CAB39L: variants seen among roughly 807,000 people sequenced by gnomAD.
The protein encoded by CAB39L is calcium-binding protein 39-like.
In CAB39L, 23 loss-of-function variants were observed where a neutral mutation model predicts 39.1. The observed-to-expected ratio is 0.59, with a 90% CI of 0.42 to 0.83. The LOEUF (loss-of-function observed/expected upper bound fraction) is 0.83. CAB39L is among the 40% of genes least tolerant of loss of function. The probability of loss-of-function intolerance (pLI) is 0.00; values close to 1 mark genes in which losing one functional copy is unlikely to be tolerated. For synonymous variants in CAB39L, 126 were observed against 137.2 expected (o/e 0.92, Z 0.57); for missense variants, 366 against 391.9 (o/e 0.93, Z 0.56).
chr13:49,438,964 T>C (rs887161820), intron 1 of CAB39L, among the ~76,000 whole-genome samples: 1 of 152,224 alleles, frequency 6.6e-6, no homozygotes, highest in Non-Finnish European at 1.5e-5. Flanking sequence ...ATTAAGTATA[T>C]TCAGTGTTAC....
At chr13:49,320,578 A>G (rs185085768) in intron 10 of CAB39L, among the ~76,000 whole-genome samples, 1 of 152,340 alleles carries the variant, frequency 6.6e-6, no homozygotes, top group East Asian at 1.9e-4. Context: ...TATTTTGCCA[A>G]CAGGGATTGA....
intron 3 of CAB39L, among the ~76,000 whole-genome samples, chr13:49,415,724 T>A (rs1957074736): frequency 6.6e-6 from 1 of 152,190 alleles, no homozygotes; most frequent in South Asian, 2.1e-4. Flanking sequence ...CACTAGAATG[T>A]GAGCTTTGTG....
chr13:49,315,746 A>T (rs892447086), intron 10 of CAB39L, among the ~76,000 whole-genome samples: 1 of 151,934 alleles, frequency 6.6e-6, no homozygotes. Flanking sequence ...TTAGCCGGGC[A>T]TGGTGGTGTG....
intron 3 of CAB39L, among the ~76,000 whole-genome samples, chr13:49,428,503 A>G (rs1299483170): frequency 2.0e-5 from 3 of 152,210 alleles, no homozygotes; most frequent in Non-Finnish European, 4.4e-5. Flanking sequence ...ATGAATCCAC[A>G]GGGCGCAAAT....
At chr13:49,359,651 T>G (rs1219004765) in intron 6 of CAB39L, 63 bp downstream of exon 6, 2 of 822,684 alleles carry the variant, frequency 2.4e-6, no homozygotes, top group East Asian at 5.0e-5. Context: ...ATGAGACTAA[T>G]GCTATGCACT....
chr13:49,358,640 C>T (rs9316440), intron 6 of CAB39L, among the ~76,000 whole-genome samples: 36,467 of 152,036 alleles, frequency 0.24, 4,586 homozygotes, highest in Middle Eastern at 0.3. Context: ...GCAGGCAGAT[C>T]ACTTGAGGTC....
At chr13:49,337,201 T>C (rs1361433086) in intron 9 of CAB39L, among the ~76,000 whole-genome samples, 1 of 152,242 alleles carries the variant, frequency 6.6e-6, no homozygotes, top group Non-Finnish European at 1.5e-5. Flanking sequence ...TGCATTGTTC[T>C]ATGAATGCCA....
At chr13:49,329,596 T>TAA (rs1566066255) in intron 10 of CAB39L, among the ~76,000 whole-genome samples, 15 of 122,644 alleles carry the variant, frequency 1.2e-4, no homozygotes, top group African/African-American at 4.3e-4. Context: ...TATATATATA[T>TAA]AATGATGTAA....
At position 49,414,357 on chromosome 13, in the gene CAB39L, GA is replaced by G. The variant is rs199716747; in HGVS notation, c.-32+18960del. The stretch of plus-strand genomic sequence containing the variant: ...AACAAAATCCCCAGGAACCTTTCTA[GA>G]AAACAATTTACCAGAATATTCATGC... On this transcript the variant is annotated intron_variant, in intron 3 of 10. Coordinates refer to ENST00000409308, the MANE Select transcript of CAB39L (RefSeq NM_001079670.3). Among the ~76,000 whole-genome samples, 1,337 of 152,192 alleles carry G rather than the reference GA, an allele frequency of 8.8e-3. 8 individuals are homozygous for G. The highest frequency in any genetic ancestry group is 0.034 in the Middle Eastern group (10 of 292).
intron 5 of CAB39L, among the ~76,000 whole-genome samples, chr13:49,368,698 A>T (rs564899944): frequency 2.8e-4 from 42 of 152,350 alleles, no homozygotes; most frequent in African/African-American, 9.9e-4. Context: ...TTTGCTGGCA[A>T]ATTCAAAAAA....
At chr13:49,330,271 T>G (rs1416461221) in intron 10 of CAB39L, among the ~76,000 whole-genome samples, 1 of 152,206 alleles carries the variant, frequency 6.6e-6, no homozygotes, top group Admixed American at 6.5e-5. Flanking sequence ...CACTTTCCTA[T>G]TATTACTTTT....
chr13:49,322,771 G>A (rs1954385090), intron 10 of CAB39L, among the ~76,000 whole-genome samples: 1 of 152,098 alleles, frequency 6.6e-6, no homozygotes, highest in Admixed American at 6.5e-5. Context: ...GTAATTCTTG[G>A]CAAACAAGAA....
chr13:49,334,255 A>C (rs1954791642), intron 9 of CAB39L, among the ~76,000 whole-genome samples: 1 of 152,226 alleles, frequency 6.6e-6, no homozygotes, highest in South Asian at 2.1e-4. Context: ...GAAATCTTCC[A>C]AAAATCAGTA....
chr13:49,360,236 A>C (rs1252585973), intron 5 of CAB39L, among the ~76,000 whole-genome samples: 3 of 152,274 alleles, frequency 2.0e-5, no homozygotes, highest in Non-Finnish European at 4.4e-5. Flanking sequence ...ATAAGATTTT[A>C]GTAAAATGTA....
At chr13:49,434,591 G>A (rs1439830364) in intron 1 of CAB39L, among the ~76,000 whole-genome samples, 6 of 151,974 alleles carry the variant, frequency 3.9e-5, no homozygotes, top group Non-Finnish European at 5.9e-5. Context: ...CAGGTGTACT[G>A]GCTCATCACT....
intron 3 of CAB39L, among the ~76,000 whole-genome samples, chr13:49,390,919 A>AGC (rs1555262297): frequency 1.0e-5 from 1 of 100,022 alleles, no homozygotes; most frequent in Admixed American, 8.7e-5. Context: ...AAAAGAAAAA[A>AGC]ACAGATAACT....
chr13:49,338,344 C>A (rs1329147257), intron 9 of CAB39L, among the ~76,000 whole-genome samples: 1 of 151,838 alleles, frequency 6.6e-6, no homozygotes, highest in Admixed American at 6.6e-5. Context: ...AGTTCATGTC[C>A]TTTGTAGGGA....
chr13:49,376,709 T>C (rs1956069219), intron 5 of CAB39L, among the ~76,000 whole-genome samples: 1 of 152,190 alleles, frequency 6.6e-6, no homozygotes, highest in Non-Finnish European at 1.5e-5. Flanking sequence ...ATAGCAAGCA[T>C]TCAACAAATG....
chr13:49,359,714 C>G lies in CAB39L; in HGVS notation c.395G>C (p.Gly132Ala). The change falls in exon 6 of 11, where the codon GGA (glycine) becomes GCA (alanine). Residue 132 changes from glycine (G) to alanine (A), a missense_variant and splice_region_variant. Gly to Ala is a moderately conservative substitution (Grantham distance 60, BLOSUM62 0). Coordinates refer to ENST00000409308, the MANE Select transcript of CAB39L (RefSeq NM_001079670.3). Reference protein sequence around the residue: ...HPHILFMLLKGYEAPQIALRC... With the variant: ...HPHILFMLLKAYEAPQIALRC... ...ACTTGAAAGGAAGCCATGTACCTAC[C>G]CTTTGAGGAGCATAAACAGGATATG... 6 of 1,545,542 alleles carry G rather than the reference C, an allele frequency of 3.9e-6. No homozygotes were observed. Among genetic ancestry groups the G allele is most frequent in the Non-Finnish European group, 5.4e-6 (6 of 1,120,346 alleles).
Sources: gnomAD v4.1 joint callset for allele counts (sites outside exome capture counted in the v4.1 genomes callset) on GRCh38, gnomAD v4.1.1 for gene constraint, MANE v1.5 for transcripts, NCBI Gene and HGNC (gene_info 2026-07-23, HGNC 2026-07-21) for gene names.